CDV3: variants seen among roughly 807,000 people sequenced by gnomAD.
CDV3 encodes protein CDV3 homolog.
A neutral mutation model predicts 24.5 loss-of-function variants in CDV3; 14 were observed. The observed-to-expected ratio is 0.57, with a 90% CI of 0.38 to 0.89. The LOEUF (loss-of-function observed/expected upper bound fraction) is 0.89, where lower values mean the gene tolerates loss of function less well. Among genes scored for constraint, CDV3 ranks in the 40% least tolerant of loss-of-function variants. The pLI, the probability that CDV3 is intolerant of heterozygous loss-of-function variation, is 0.00. For synonymous variants in CDV3, 114 were observed against 114.1 expected (o/e 1.00, Z 0.00); for missense variants, 304 against 310.2 (o/e 0.98, Z 0.15).
chr3:133,578,802 G>A (rs2074912768), intron 2 of CDV3, among the ~76,000 whole-genome samples: 1 of 152,156 alleles, frequency 6.6e-6, no homozygotes, highest in East Asian at 1.9e-4. Context: ...TGTTTTAGCT[G>A]CTTCCCCCTA....
chr3:133,577,177 T>C (rs918884250), intron 2 of CDV3, among the ~76,000 whole-genome samples: 2 of 152,050 alleles, frequency 1.3e-5, no homozygotes, highest in Non-Finnish European at 2.9e-5. Context: ...TTTTTTGTTT[T>C]CTTAGCATCT....
At chr3:133,575,934 G>A (rs1018588018) in intron 2 of CDV3, among the ~76,000 whole-genome samples, 5 of 152,124 alleles carry the variant, frequency 3.3e-5, no homozygotes, top group African/African-American at 1.2e-4. Flanking sequence ...CTTTGCTCCC[G>A]GTTTAAAGAA....
At position 133,583,988 on chromosome 3, in the gene CDV3, C is replaced by A. The variant is rs1933327240; in HGVS notation, c.318-14C>A. Reference sequence around the variant, plus strand: ...TGGTGATTCCTTAATGAATTTACATCTTTGCTTTTCCAGCAGTGAAAAGGA... The same window carrying A: ...TGGTGATTCCTTAATGAATTTACATATTTGCTTTTCCAGCAGTGAAAAGGA... On this transcript the variant is annotated splice_polypyrimidine_tract_variant and intron_variant, in intron 2 of 4. Transcript: ENST00000264993. 1.3e-6 allele frequency: 2 copies of A among 1,584,382 alleles called. No individual in the cohort carries two copies. Among genetic ancestry groups the A allele is most frequent in the Non-Finnish European group, 1.7e-6 (2 of 1,167,326 alleles).
chr3:133,579,065 AC>A (rs1456276604), intron 2 of CDV3, among the ~76,000 whole-genome samples: 3 of 152,244 alleles, frequency 2.0e-5, no homozygotes, highest in African/African-American at 7.2e-5. Flanking sequence ...TGGCTCTGCT[AC>A]TTTGTAGCCC....
At position 133,574,113 on chromosome 3, in the gene CDV3, GC is replaced by G; in HGVS notation, c.70del (p.Arg24GlyfsTer55). On this transcript the variant is annotated frameshift_variant, in exon 1 of 5. Transcript: ENST00000264993. LOFTEE classifies it high-confidence loss of function. ...AGAGGGACAAGAAGAAGAAGAAGGAGCGGAGCAACCGGGCGGCGAGTGCCGC... is the reference window on the plus strand; with the variant it reads ...AGAGGGACAAGAAGAAGAAGAAGGAGGGAGCAACCGGGCGGCGAGTGCCGC... Reference protein sequence around the residue: ...AKRDKKKKKERSNRAASAAGA... With the variant: ...AKRDKKKKKEXSNRAASAAGA... The G allele has an allele frequency of 8.2e-7, 1 of 1,214,270 alleles. No homozygotes were observed. The allele number at this position is 1,214,270 out of a possible 1,614,324, so 75.2% of individuals were successfully genotyped here.
At chr3:133,577,643 A>G (rs541165833) in intron 2 of CDV3, among the ~76,000 whole-genome samples, 74 of 152,316 alleles carry the variant, frequency 4.9e-4, no homozygotes, top group African/African-American at 1.7e-3. Flanking sequence ...CACAGGCATG[A>G]GCCTCTGAGC....
chr3:133,574,852 A>G (rs2074742731), intron 1 of CDV3, 187 bp from the exon 2 acceptor site: 8 of 727,118 alleles, frequency 1.1e-5, no homozygotes, highest in Non-Finnish European at 1.7e-5. Context: ...GTATAGTGTT[A>G]GCCTACGAGC....
rs186791850 is a variant in CDV3, at chr3:133,587,976, T to G, written c.707T>G (p.Leu236Arg). 3.1e-6 allele frequency: 5 copies of G among 1,614,140 alleles called. No homozygotes were observed. Among genetic ancestry groups the G allele is most frequent in the African/African-American group, 1.3e-5 (1 of 75,054 alleles). Residue 236 changes from leucine to arginine, a missense_variant, in exon 5 of 5, where the codon CTT (leucine) becomes CGT (arginine). Coordinates refer to ENST00000264993, the MANE Select transcript of CDV3 (RefSeq NM_017548.5). Reference protein sequence around the residue: ...GRDEVSKNQALKLQLDNQYAV... With the variant: ...GRDEVSKNQARKLQLDNQYAV... Reference sequence around the variant, plus strand: ...GATGAGGTTTCAAAAAACCAGGCCCTTAAACTTCAGCTAGACAACCAATAT... The same window carrying G: ...GATGAGGTTTCAAAAAACCAGGCCCGTAAACTTCAGCTAGACAACCAATAT...
In CDV3 at chr3:133,589,805, A is replaced by C. The variant is rs951459698; in HGVS notation, c.*1759A>C. 8.5e-5 allele frequency: 13 copies of C among 152,334 alleles called. No homozygotes were observed. The highest frequency in any genetic ancestry group is 2.9e-4 in the African/African-American group (12 of 41,462). The allele number at this position is 152,334 out of a possible 1,614,324, so 9.4% of individuals were successfully genotyped here. ...GTGGCAGGCAGGATGCCTGCCTTCT[A>C]ATATATTTGGGTGAGTAACTGAGCC... is the stretch of plus-strand genomic sequence containing the variant. On this transcript the variant is annotated 3_prime_UTR_variant, in exon 5 of 5. Coordinates refer to ENST00000264993, the MANE Select transcript of CDV3 (RefSeq NM_017548.5).
At chr3:133,581,706 G>A (rs181602421) in intron 2 of CDV3, among the ~76,000 whole-genome samples, 1 of 152,306 alleles carries the variant, frequency 6.6e-6, no homozygotes, top group Non-Finnish European at 1.5e-5. Context: ...GCTGCATGAA[G>A]AAGATAAAGT....
intron 4 of CDV3, 47 bp from the exon 5 acceptor site, chr3:133,587,848 AC>A (rs764303933): frequency 6.5e-7 from 1 of 1,533,180 alleles, no homozygotes; most frequent in Admixed American, 2.2e-5. Flanking sequence ...ATTTTCAAAA[AC>A]CCTAGTGAAG....
intron 2 of CDV3, among the ~76,000 whole-genome samples, chr3:133,581,934 A>T (rs1295015509): frequency 6.6e-6 from 1 of 152,112 alleles, no homozygotes; most frequent in African/African-American, 2.4e-5. Flanking sequence ...GCTTGGCTAT[A>T]TTTTTATTTT....
chr3:133,580,702 CA>C (rs879621910), intron 2 of CDV3, among the ~76,000 whole-genome samples: 196 of 142,054 alleles, frequency 1.4e-3, no homozygotes, highest in Non-Finnish European at 1.4e-3. Context: ...AACTCCATCT[CA>C]AAAAAAAAAA....
chr3:133,590,056 C>T lies in CDV3; in HGVS notation c.*2010C>T, dbSNP rs1356598606. 2.0e-5 allele frequency: 3 copies of T among 152,090 alleles called. No individual in the cohort carries two copies. The highest frequency in any genetic ancestry group is 7.2e-5 in the African/African-American group (3 of 41,414). The allele number at this position is 152,090 out of a possible 1,614,324, so 9.4% of individuals were successfully genotyped here. ...GCATATTGTACTCGAAATCTGAAGACCTGCAGCAGATTTAAATTACAACTC... is the reference window on the plus strand; with the variant it reads ...GCATATTGTACTCGAAATCTGAAGATCTGCAGCAGATTTAAATTACAACTC... On this transcript the variant is annotated 3_prime_UTR_variant, in exon 5 of 5. Coordinates refer to ENST00000264993, the MANE Select transcript of CDV3 (RefSeq NM_017548.5).
chr3:133,585,416 A>G (rs1008080321), intron 3 of CDV3, among the ~76,000 whole-genome samples: 1 of 152,010 alleles, frequency 6.6e-6, no homozygotes, highest in Non-Finnish European at 1.5e-5. Flanking sequence ...CCTGACTTCA[A>G]GTGATCTGCC....
chr3:133,580,241 A>G (rs2074963497), intron 2 of CDV3, among the ~76,000 whole-genome samples: 1 of 151,446 alleles, frequency 6.6e-6, no homozygotes, highest in Non-Finnish European at 1.5e-5. Flanking sequence ...TGTCCTTGTG[A>G]TATTTTGCTG....
intron 2 of CDV3, among the ~76,000 whole-genome samples, chr3:133,580,871 G>A (rs1932945459): frequency 6.6e-6 from 1 of 152,126 alleles, no homozygotes; most frequent in African/African-American, 2.4e-5. Context: ...GTCTCCTTGT[G>A]CCTTTTATTA....
At chr3:133,577,256 T>C (rs887409428) in intron 2 of CDV3, among the ~76,000 whole-genome samples, 2 of 152,154 alleles carry the variant, frequency 1.3e-5, no homozygotes, top group Non-Finnish European at 2.9e-5. Context: ...GAAACACTCC[T>C]TCCCATATGT....
chr3:133,578,808 C>A (rs1375937855), intron 2 of CDV3, among the ~76,000 whole-genome samples: 1 of 152,112 alleles, frequency 6.6e-6, no homozygotes, highest in Non-Finnish European at 1.5e-5. Context: ...AGCTGCTTCC[C>A]CCTAGTGTTG....
Sources: allele counts gnomAD v4.1 joint callset (sites outside exome capture counted in the v4.1 genomes callset), GRCh38; gene constraint gnomAD v4.1.1; transcripts MANE v1.5; gene names NCBI Gene and HGNC (gene_info 2026-07-23, HGNC 2026-07-21).